Variants in SEC24B observed in about 807,000 individuals in gnomAD.
SEC24B encodes protein transport protein Sec24B.
SEC24B carries 45 observed loss-of-function variants against 142.8 expected under a neutral mutation model. The observed-to-expected ratio is 0.32, with a 90% CI of 0.25 to 0.40. The LOEUF (loss-of-function observed/expected upper bound fraction) is 0.40, where lower values mean the gene tolerates loss of function less well. Among genes scored for constraint, SEC24B ranks in the 10% least tolerant of loss-of-function variants. SEC24B has a pLI of 1.00. For missense variants in SEC24B, 1,409 were observed against 1,526.8 expected, an observed-to-expected ratio of 0.92 and a Z score of 1.29; for synonymous variants, 574 against 568.2, an observed-to-expected ratio of 1.01 and a Z score of -0.15.
chr4:109,529,920 G>A (rs947878959), intron 18 of SEC24B, among the ~76,000 whole-genome samples: 1 of 152,090 alleles, frequency 6.6e-6, no homozygotes, highest in Non-Finnish European at 1.5e-5. Context: ...TTTTTGTAGA[G>A]ACAAGGTCTC....
At position 109,506,330 on chromosome 4, in the gene SEC24B, G is replaced by T; in HGVS notation, c.1491G>T (p.Gln497His). 6.5e-7 allele frequency: 1 copy of T among 1,530,796 alleles called. No individual in the cohort carries two copies. The highest frequency in any genetic ancestry group is 8.7e-7 in the Non-Finnish European group (1 of 1,144,372). 94.8% of individuals were successfully genotyped at this position (1,530,796 alleles called of 1,614,324 possible). ...TTTGTTTTGAATTGCTCTTTCAGCA[G>T]TATCCTGGTGTGAACCAGCTATCCT... is the stretch of plus-strand genomic sequence containing the variant. ...VYSGFQQYPQ[Q>H]YPGVNQLSSS... is the part of the protein sequence containing the mutation. Residue 497 changes from glutamine (Q) to histidine (H), a missense_variant and splice_region_variant, in exon 7 of 24, where the codon CAG (glutamine) becomes CAT (histidine). This residue lies in a region of SEC24B where 709 missense variants were observed against 673.5 expected (regional missense o/e 1.05). Transcript: ENST00000265175.
chr4:109,456,098 C>G (rs1413897559), intron 1 of SEC24B, among the ~76,000 whole-genome samples: 1 of 152,088 alleles, frequency 6.6e-6, no homozygotes, highest in Non-Finnish European at 1.5e-5. Flanking sequence ...GAACATATTT[C>G]ATTAGATTTA....
At chr4:109,537,057 AC>A (rs1725633230) in intron 22 of SEC24B, among the ~76,000 whole-genome samples, 1 of 152,164 alleles carries the variant, frequency 6.6e-6, no homozygotes, top group African/African-American at 2.4e-5. Context: ...CTTTGAGAAG[AC>A]CTTCCTTACT....
intron 1 of SEC24B, among the ~76,000 whole-genome samples, chr4:109,446,009 G>A (rs1281318190): frequency 6.6e-6 from 1 of 150,398 alleles, no homozygotes; most frequent in Non-Finnish European, 1.5e-5. Context: ...TGAAATTGGG[G>A]TGCATTTTAG....
At chr4:109,534,553 C>T (rs1725295184) in intron 22 of SEC24B, among the ~76,000 whole-genome samples, 2 of 151,984 alleles carry the variant, frequency 1.3e-5, no homozygotes, top group South Asian at 4.2e-4. Context: ...TGCCACTGCA[C>T]TCCAGCCTGG....
intron 2 of SEC24B, 137 bp from the exon 3 acceptor site, chr4:109,472,867 A>ACT (rs1055289901): frequency 3.8e-6 from 1 of 265,346 alleles, no homozygotes; most frequent in African/African-American, 2.5e-5. Flanking sequence ...CTTCAGATAA[A>ACT]CTATTTTGTT....
intron 3 of SEC24B, among the ~76,000 whole-genome samples, chr4:109,478,074 G>A (rs1358959019): frequency 6.6e-6 from 1 of 152,042 alleles, no homozygotes. Flanking sequence ...TTGAGGTCAG[G>A]ACTTCGAGAC....
intron 1 of SEC24B, among the ~76,000 whole-genome samples, chr4:109,452,702 T>G (rs1730231780): frequency 6.6e-6 from 1 of 152,236 alleles, no homozygotes; most frequent in Admixed American, 6.5e-5. Flanking sequence ...GGTGATTATC[T>G]TTTCAGATGT....
chr4:109,519,841 TA>T (rs969472724), intron 11 of SEC24B, among the ~76,000 whole-genome samples: 3 of 152,222 alleles, frequency 2.0e-5, no homozygotes, highest in African/African-American at 7.2e-5. Context: ...GCTAAAACAA[TA>T]AATTACATAA....
In SEC24B at chr4:109,512,034, C is replaced by A; in HGVS notation, c.1854C>A (p.Phe618Leu). 1.2e-6 allele frequency: 2 copies of A among 1,613,262 alleles called. No individual in the cohort carries two copies. The highest frequency in any genetic ancestry group is 1.7e-6 in the Non-Finnish European group (2 of 1,179,322). ...CGTATATTAACCCCTTTGTATCCTT[C>A]ATTGATCAACGTAGATGGAAATGCA... is the stretch of plus-strand genomic sequence containing the variant. ...CRTYINPFVS[F>L]IDQRRWKCNL... The change falls in exon 9 of 24, where the codon TTC (phenylalanine) becomes TTA (leucine). Residue 618 changes from phenylalanine to leucine, a missense_variant. Transcript: ENST00000265175.
chr4:109,497,276 G>A lies in SEC24B; in HGVS notation c.1488+2420G>A, dbSNP rs191777662. Among the ~76,000 whole-genome samples the A allele has an allele frequency of 1.9e-4, 29 of 152,272 alleles. No individual in the cohort carries two copies. The East Asian group carries it at 2.1e-3, about 11-fold the overall frequency. ...GAGTGTAGGAAGTATTTTTCATTTC[G>A]TATTTTATTTGGGAGGTTATTTTAG... On this transcript the variant is annotated intron_variant, in intron 6 of 23. Coordinates refer to ENST00000265175, the MANE Select transcript of SEC24B (RefSeq NM_006323.5).
At chr4:109,469,754 A>G (rs574521120) in intron 2 of SEC24B, among the ~76,000 whole-genome samples, 15 of 152,340 alleles carry the variant, frequency 9.8e-5, no homozygotes, top group East Asian at 1.9e-4. Context: ...TTTAAGGACA[A>G]TGCACATAAT....
chr4:109,463,374 G>A lies in SEC24B; in HGVS notation c.607G>A (p.Ala203Thr). Residue 203 changes from alanine (A) to threonine (T), a missense_variant, in exon 2 of 24, where the codon GCT becomes ACT. Physicochemically the swap from Ala to Thr is moderately conservative, Grantham distance 58. Around this residue, in one of 2 missense-constraint regions of SEC24B, gnomAD observed 709 missense variants for 673.5 expected, o/e 1.05. Transcript: ENST00000265175. ...YPSVSYPSLPAGDTYGQMFTS... is the reference protein window; with the variant it reads ...YPSVSYPSLPTGDTYGQMFTS... ...TAGTGTTTCATATCCCTCTCTGCCT[G>A]CTGGTGATACATATGGGCAAATGTT... The A allele has an allele frequency of 6.2e-7, 1 of 1,614,166 alleles. No homozygotes were observed. The highest frequency in any genetic ancestry group is 1.3e-5 in the African/African-American group (1 of 75,026).
Position 109,481,745 on chromosome 4 carries a change from G to C in SEC24B, c.1129G>C (p.Asp377His), listed in dbSNP as rs200484889. 6.2e-7 allele frequency: 1 copy of C among 1,613,778 alleles called. No homozygotes were observed. The highest frequency in any genetic ancestry group is 8.5e-7 in the Non-Finnish European group (1 of 1,179,796). The change falls in exon 4 of 24, where the codon GAT becomes CAT. Residue 377 changes from aspartate (D) to histidine (H), a missense_variant. Transcript: ENST00000265175. ...SAPTPLSSTS[D>H]DEEEEEEDEE... ...ACCAACTCCCTTGTCATCAACTTCC[G>C]ATGATGAGGAAGAGGAGGAGGAGGA...
chr4:109,453,610 G>A (rs753463272), intron 1 of SEC24B, among the ~76,000 whole-genome samples: 11 of 151,966 alleles, frequency 7.2e-5, no homozygotes, highest in Admixed American at 2.0e-4. Flanking sequence ...CCTGAAAATC[G>A]CTGTTATCCT....
chr4:109,464,499 C>G (rs916376420), intron 2 of SEC24B, among the ~76,000 whole-genome samples: 1 of 152,124 alleles, frequency 6.6e-6, no homozygotes, highest in Admixed American at 6.5e-5. Context: ...GTCTCGAACA[C>G]GCGAGCTACT....
intron 12 of SEC24B, among the ~76,000 whole-genome samples, chr4:109,520,718 C>T (rs1369159349): frequency 5.9e-5 from 9 of 152,044 alleles, no homozygotes; most frequent in South Asian, 2.1e-4. Context: ...ATTAGCTGGG[C>T]GCAGTGGCTG....
intron 6 of SEC24B, among the ~76,000 whole-genome samples, chr4:109,499,826 A>T (rs1354745317): frequency 6.6e-6 from 1 of 152,184 alleles, no homozygotes; most frequent in East Asian, 1.9e-4. Flanking sequence ...ACTCATACTA[A>T]ACTTTTTATC....
At chr4:109,466,112 A>G (rs940256555) in intron 2 of SEC24B, among the ~76,000 whole-genome samples, 1 of 152,178 alleles carries the variant, frequency 6.6e-6, no homozygotes, top group Non-Finnish European at 1.5e-5. Flanking sequence ...AAAGTTCCCA[A>G]ACTTTCTCAG....
Sources: allele counts gnomAD v4.1 joint callset (sites outside exome capture counted in the v4.1 genomes callset), GRCh38; gene constraint gnomAD v4.1.1; regional missense constraint gnomAD v4.1.1; transcripts MANE v1.5; gene names NCBI Gene and HGNC (gene_info 2026-07-23, HGNC 2026-07-21).